CAPN5: variants seen among roughly 807,000 people sequenced by gnomAD.
CAPN5 encodes the protein calpain-5.
CAPN5 carries 54 observed loss-of-function variants against 73.0 expected under a neutral mutation model. The observed-to-expected ratio is 0.74, with a 90% confidence interval of 0.59 to 0.93. The LOEUF is 0.93. Ranked by LOEUF, CAPN5 falls within the 40% of genes least tolerant of loss-of-function variation. CAPN5 has a pLI of 0.00. For missense variants in CAPN5, 785 were observed against 882.9 expected, an observed-to-expected ratio of 0.89 and a Z score of 1.41; for synonymous variants, 335 against 356.9, an observed-to-expected ratio of 0.94 and a Z score of 0.69.
intron 3 of CAPN5, among the ~76,000 whole-genome samples, chr11:77,094,647 G>A (rs557689668): frequency 6.6e-6 from 1 of 152,182 alleles, no homozygotes; most frequent in Non-Finnish European, 1.5e-5. Flanking sequence ...GAGGAGCACT[G>A]GACATCTGCA....
chr11:77,085,303 G>T (rs1950074359), intron 2 of CAPN5, among the ~76,000 whole-genome samples: 1 of 152,180 alleles, frequency 6.6e-6, no homozygotes, highest in Non-Finnish European at 1.5e-5. Flanking sequence ...CTTCCTCACA[G>T]GAAAAATGGG....
intron 3 of CAPN5, among the ~76,000 whole-genome samples, chr11:77,097,421 T>G (rs1950221367): frequency 6.8e-6 from 1 of 147,508 alleles, no homozygotes; most frequent in Admixed American, 6.8e-5. Context: ...CTTTCATTCA[T>G]CAGACACGAT....
At chr11:77,073,186 T>C in intron 1 of CAPN5, 1 of 1,090,532 alleles carries the variant, frequency 9.2e-7, no homozygotes, top group African/African-American at 1.6e-5. Flanking sequence ...GTTTCCTGGA[T>C]GTGGTTCTTT....
At chr11:77,112,052 G>A (rs1555040806) in intron 3 of CAPN5, among the ~76,000 whole-genome samples, 1 of 152,162 alleles carries the variant, frequency 6.6e-6, no homozygotes, top group Non-Finnish European at 1.5e-5. Flanking sequence ...TGGGGCGAGA[G>A]TAGATGTAGC....
In CAPN5 at chr11:77,123,692, G is replaced by A. The variant is rs1349093046; in HGVS notation, c.1745G>A (p.Trp582Ter). Residue 582 changes from tryptophan to a stop codon, truncating the protein, a stop_gained, in exon 13 of 13, where the codon TGG becomes TAG. Transcript: ENST00000648180. LOFTEE classifies it high-confidence loss of function. ...TGATCCTCTGTCTCTTCCCAGGTCT[G>A]GAACCACCGAGTGCTGAAGGATGAA... ...KLSQPITVQV[W>*]NHRVLKDEFL... 1 of 1,613,094 alleles carries A rather than the reference G, an allele frequency of 6.2e-7. No homozygotes were observed. Among genetic ancestry groups the A allele is most frequent in the Non-Finnish European group, 8.5e-7 (1 of 1,179,550 alleles).
chr11:77,097,464 G>GTTTTTTTTTTTTTTTTTTTTTTT, intron 3 of CAPN5, among the ~76,000 whole-genome samples: 1 of 79,730 alleles, frequency 1.3e-5, no homozygotes, highest in Non-Finnish European at 2.3e-5. Flanking sequence ...TTTCCTTCTA[G>GTTTTTTTTTTTTTTTTTTTTTTT]TTTTTTTTTT....
At chr11:77,122,541 C>CCACCCACACCCCAACACCCA in intron 11 of CAPN5, 35 bp from the exon 12 acceptor site, 1 of 1,176,356 alleles carries the variant, frequency 8.5e-7, no homozygotes, top group Non-Finnish European at 1.2e-6. Flanking sequence ...GCCCCCACCC[C>CCACCCACACCCCAACACCCA]CACCCTCACC....
At chr11:77,085,738 G>A (rs560518370) in intron 2 of CAPN5, among the ~76,000 whole-genome samples, 19 of 149,754 alleles carry the variant, frequency 1.3e-4, no homozygotes, top group East Asian at 2.1e-4. Context: ...CTTGAACCCC[G>A]ATTCCTGGGT....
chr11:77,102,947 G>A, intron 3 of CAPN5: 3 of 1,613,192 alleles, frequency 1.9e-6, no homozygotes, highest in Non-Finnish European at 2.5e-6. Context: ...AGCAGCGCGG[G>A]GAGAAGCGCC....
intron 6 of CAPN5, 33 bp from the exon 7 acceptor site, chr11:77,116,193 C>T: frequency 6.3e-7 from 1 of 1,580,770 alleles, no homozygotes; most frequent in Non-Finnish European, 8.6e-7. Flanking sequence ...TCTTAGACAG[C>T]TCCCTTTCTC....
intron 3 of CAPN5, among the ~76,000 whole-genome samples, chr11:77,098,438 C>T (rs1555038008): frequency 2.8e-5 from 3 of 105,840 alleles, no homozygotes; most frequent in Non-Finnish European, 3.9e-5. Context: ...CCTCACTTCC[C>T]AGTAGGGGCG....
At chr11:77,093,870 C>T (rs1277297695) in intron 3 of CAPN5, 57 bp downstream of exon 3, 1 of 1,583,960 alleles carries the variant, frequency 6.3e-7, no homozygotes, top group Non-Finnish European at 8.6e-7. Context: ...AGCCTGTGGC[C>T]CTCACTGCCA....
intron 5 of CAPN5, 28 bp downstream of exon 5, chr11:77,114,462 AC>A (rs1950446774): frequency 6.3e-7 from 1 of 1,594,910 alleles, no homozygotes; most frequent in African/African-American, 1.3e-5. Context: ...CCCAGAGGCG[AC>A]CCCTCCCCTT....
At chr11:77,116,146 T>C in intron 6 of CAPN5, 80 bp from the exon 7 acceptor site, 1 of 1,355,632 alleles carries the variant, frequency 7.4e-7, no homozygotes, top group South Asian at 1.3e-5. Flanking sequence ...CCCTCGTGCC[T>C]CCTCGCCTTT....
rs566698026 is a variant in CAPN5 at position 77,125,530 on chromosome 11, T to C, written c.*1660T>C. The C allele has an allele frequency of 6.6e-6, 1 of 152,230 alleles. No individual in the cohort carries two copies. The highest frequency in any genetic ancestry group is 2.1e-4 in the South Asian group (1 of 4,826). 9.4% of individuals were successfully genotyped at this position (152,230 alleles called of 1,614,324 possible). ...TTCTACAAAGTGGGGCCAATGATTCTTGTGTGTCAGCACTGTTACTACCGA... is the reference window on the plus strand; with the variant it reads ...TTCTACAAAGTGGGGCCAATGATTCCTGTGTGTCAGCACTGTTACTACCGA... On this transcript the variant is annotated 3_prime_UTR_variant, in exon 13 of 13. Coordinates refer to ENST00000648180, the MANE Select transcript of CAPN5 (RefSeq NM_004055.5).
chr11:77,107,610 A>T (rs1163126238), intron 3 of CAPN5, among the ~76,000 whole-genome samples: 1 of 152,002 alleles, frequency 6.6e-6, no homozygotes, highest in African/African-American at 2.4e-5. Context: ...GTCTCCAGGG[A>T]CAATCCAGGA....
intron 7 of CAPN5, 36 bp downstream of exon 7, chr11:77,116,339 G>C (rs782145328): frequency 6.4e-7 from 1 of 1,568,540 alleles, no homozygotes; most frequent in East Asian, 2.3e-5. Context: ...CCGGGGCTGA[G>C]GGGGCTTCCC....
intron 3 of CAPN5, chr11:77,103,402 G>C: frequency 6.6e-7 from 1 of 1,515,448 alleles, no homozygotes; most frequent in South Asian, 1.3e-5. Flanking sequence ...TTTCCCCCCT[G>C]TATTTTTGGG....
chr11:77,071,547 C>T, intron 1 of CAPN5: 1 of 425,656 alleles, frequency 2.3e-6, no homozygotes, highest in South Asian at 1.6e-5. Flanking sequence ...CAAGTCCTGT[C>T]TGGTATGTGG....
Sources: gnomAD v4.1 joint callset for allele counts (sites outside exome capture counted in the v4.1 genomes callset) on GRCh38, gnomAD v4.1.1 for gene constraint, MANE v1.5 for transcripts, NCBI Gene and HGNC (gene_info 2026-07-23, HGNC 2026-07-21) for gene names.